The following CDK8 variants were observed in gnomAD, a reference collection of about 807,000 sequenced individuals.
CDK8 encodes cyclin-dependent kinase 8.
In CDK8, 29 loss-of-function variants were observed where a neutral mutation model predicts 71.5. The observed-to-expected ratio is 0.41, with a 90% CI of 0.30 to 0.55. The LOEUF is 0.55. CDK8 is among the 20% of genes least tolerant of loss of function. The pLI is 0.37. For synonymous variants in CDK8, 161 were observed against 192.1 expected (o/e 0.84, Z 1.34); for missense variants, 288 against 572.6 (o/e 0.50, Z 5.07).
At position 26,404,245 on chromosome 13, in the gene CDK8, T is replaced by C; in HGVS notation, c.*164T>C. On this transcript the variant is annotated 3_prime_UTR_variant, in exon 13 of 13. Transcript: ENST00000381527. ...ACTTTTCACAGATTGGGGTAGTGGC[T>C]TCCAAGTTGTACCTATTTTGGAGTT... 1 of 711,654 alleles carries C rather than the reference T, an allele frequency of 1.4e-6. No homozygotes were observed. Among genetic ancestry groups the C allele is most frequent in the Non-Finnish European group, 2.2e-6 (1 of 451,294 alleles). The allele number at this position is 711,654 out of a possible 1,614,324, so 44.1% of individuals were successfully genotyped here.
intron 1 of CDK8, among the ~76,000 whole-genome samples, chr13:26,325,708 C>T (rs894127998): frequency 6.6e-6 from 1 of 152,030 alleles, no homozygotes; most frequent in African/African-American, 2.4e-5. Context: ...TGAAGCAGGG[C>T]TGGGTTCTCT....
intron 1 of CDK8, among the ~76,000 whole-genome samples, chr13:26,314,708 C>G (rs926707759): frequency 6.6e-6 from 1 of 152,084 alleles, no homozygotes; most frequent in Non-Finnish European, 1.5e-5. Context: ...TTGTAGTAGC[C>G]CATGCTTTAC....
In CDK8 at chr13:26,385,284, A is replaced by C. The variant is rs1565995020; in HGVS notation, c.588A>C (p.Thr196=). The change falls in exon 6 of 13, where the codon ACA becomes ACC. Residue 196 remains threonine (T), a synonymous_variant. Transcript: ENST00000381527. ...PLADLDPVVV[T]FWYRAPELLL... ...CAGATTTGGATCCAGTGGTTGTTAC[A>C]TTCTGGTACCGAGCCCCTGAACTAC... is the stretch of plus-strand genomic sequence containing the variant. 1 of 1,613,500 alleles carries C rather than the reference A, an allele frequency of 6.2e-7. No individual in the cohort carries two copies. The highest frequency in any genetic ancestry group is 1.7e-5 in the Admixed American group (1 of 60,022).
intron 1 of CDK8, among the ~76,000 whole-genome samples, chr13:26,306,409 G>A (rs1288172190): frequency 1.3e-5 from 2 of 152,076 alleles, no homozygotes; most frequent in African/African-American, 4.8e-5. Flanking sequence ...ACTTCTTGTA[G>A]CATATAGATT....
At chr13:26,373,778 G>A (rs892225038) in intron 4 of CDK8, among the ~76,000 whole-genome samples, 1 of 152,066 alleles carries the variant, frequency 6.6e-6, no homozygotes, top group African/African-American at 2.4e-5. Context: ...GTAGCTAATT[G>A]TATTTCCTTA....
intron 2 of CDK8, among the ~76,000 whole-genome samples, chr13:26,348,739 A>G (rs993604466): frequency 6.6e-6 from 1 of 152,198 alleles, no homozygotes; most frequent in African/African-American, 2.4e-5. Context: ...AACATTGTGA[A>G]TATACTTATA....
chr13:26,291,042 C>G (rs183882719), intron 1 of CDK8, among the ~76,000 whole-genome samples: 192 of 151,730 alleles, frequency 1.3e-3, no homozygotes, highest in African/African-American at 3.7e-3. Flanking sequence ...TTGCTTGAAC[C>G]CAGGAGGCAG....
chr13:26,375,456 T>C (rs1300506158), intron 4 of CDK8, among the ~76,000 whole-genome samples: 1 of 152,232 alleles, frequency 6.6e-6, no homozygotes, highest in Admixed American at 6.5e-5. Context: ...CACCCTTTTA[T>C]ATTGCAAATG....
At chr13:26,379,766 TCTAA>T (rs1875129457) in intron 4 of CDK8, among the ~76,000 whole-genome samples, 1 of 152,210 alleles carries the variant, frequency 6.6e-6, no homozygotes, top group Admixed American at 6.5e-5. Flanking sequence ...GTCACAGCAA[TCTAA>T]CTAATCAACT....
At chr13:26,370,087 T>G (rs1874595530) in intron 4 of CDK8, among the ~76,000 whole-genome samples, 1 of 152,166 alleles carries the variant, frequency 6.6e-6, no homozygotes, top group African/African-American at 2.4e-5. Flanking sequence ...GCTTCAAACC[T>G]TCAAACAAAT....
At chr13:26,305,842 G>C (rs1243937440) in intron 1 of CDK8, among the ~76,000 whole-genome samples, 1 of 152,094 alleles carries the variant, frequency 6.6e-6, no homozygotes, top group African/African-American at 2.4e-5. Context: ...GGAATTCTCA[G>C]TCTTTATCAC....
At chr13:26,275,661 C>G (rs1287985659) in intron 1 of CDK8, among the ~76,000 whole-genome samples, 1 of 152,114 alleles carries the variant, frequency 6.6e-6, no homozygotes, top group Non-Finnish European at 1.5e-5. Flanking sequence ...AAATGTACTC[C>G]AAAGTAGAGA....
intron 1 of CDK8, among the ~76,000 whole-genome samples, chr13:26,328,098 T>C (rs536706844): frequency 6.6e-6 from 1 of 152,244 alleles, no homozygotes; most frequent in Admixed American, 6.5e-5. Flanking sequence ...CCAAACTGGT[T>C]TATTATCTTG....
chr13:26,310,544 G>A (rs1302435724), intron 1 of CDK8, among the ~76,000 whole-genome samples: 1 of 152,064 alleles, frequency 6.6e-6, no homozygotes, highest in Non-Finnish European at 1.5e-5. Flanking sequence ...TAAGGAGTGT[G>A]CAACCTAGAT....
chr13:26,377,886 A>G (rs1204501414), intron 4 of CDK8, among the ~76,000 whole-genome samples: 4 of 152,244 alleles, frequency 2.6e-5, no homozygotes, highest in Admixed American at 6.5e-5. Flanking sequence ...CAAAATAATC[A>G]TAGAGTAACT....
At chr13:26,383,859 T>C (rs1169512253) in intron 5 of CDK8, among the ~76,000 whole-genome samples, 1 of 152,226 alleles carries the variant, frequency 6.6e-6, no homozygotes, top group Non-Finnish European at 1.5e-5. Context: ...TACTCCAAGT[T>C]TGGCTTTCCT....
chr13:26,380,551 A>G (rs1388644689), intron 4 of CDK8, among the ~76,000 whole-genome samples: 3 of 151,614 alleles, frequency 2.0e-5, no homozygotes, highest in Admixed American at 1.3e-4. Context: ...TGGCATGATC[A>G]TGGCTCACTG....
rs1876271560 is a variant in CDK8 at position 26,401,770 on chromosome 13, G to C, written c.1269+146G>C. ...CATGAAATGTTACTGGCATGGAAAAGTACTGACAGTGGTATGGTAGCAAGG... is the reference window on the plus strand; with the variant it reads ...CATGAAATGTTACTGGCATGGAAAACTACTGACAGTGGTATGGTAGCAAGG... On this transcript the variant is annotated intron_variant, in intron 12 of 12. Transcript: ENST00000381527. The surrounding 1 kb of genome is among the most constrained non-coding windows in gnomAD (Gnocchi z 4.5). The C allele has an allele frequency of 1.2e-6, 1 of 840,044 alleles. No homozygotes were observed. Among genetic ancestry groups the C allele is most frequent in the African/African-American group, 1.7e-5 (1 of 59,248 alleles). The allele number at this position is 840,044 out of a possible 1,614,324, so 52.0% of individuals were successfully genotyped here.
At chr13:26,339,731 T>TTTATTTATTTA (rs1565978439) in intron 2 of CDK8, among the ~76,000 whole-genome samples, 1 of 92,164 alleles carries the variant, frequency 1.1e-5, no homozygotes, top group Non-Finnish European at 2.5e-5. Flanking sequence ...TTATTTATTT[T>TTTATTTATTTA]ATTTATATAA....
Sources: allele counts gnomAD v4.1 joint callset (sites outside exome capture counted in the v4.1 genomes callset), GRCh38; gene constraint gnomAD v4.1.1; non-coding constraint Gnocchi (gnomAD v3.1); transcripts MANE v1.5; gene names NCBI Gene and HGNC (gene_info 2026-07-23, HGNC 2026-07-21).